The following TMEM247 variants were observed in gnomAD, a reference collection of about 807,000 sequenced individuals.
TMEM247 encodes the protein transmembrane protein ENSP00000343375.
TMEM247 carries 23 observed loss-of-function variants against 20.7 expected under a neutral mutation model. The observed-to-expected ratio is 1.11, with a 90% confidence interval of 0.80 to 1.57. TMEM247 has a LOEUF of 1.57. Among genes scored for constraint, TMEM247 ranks in the 40% most tolerant of loss-of-function variants. The pLI is 0.00. For missense variants in TMEM247, 354 were observed against 283.8 expected (o/e 1.25, Z -1.78); for synonymous variants, 106 against 111.9 (o/e 0.95, Z 0.33).
In TMEM247 at chr2:46,481,229, T is replaced by G. The variant is rs377231178; in HGVS notation, c.477+465T>G. On this transcript the variant is annotated intron_variant, in intron 2 of 2. Coordinates refer to ENST00000434431, the Ensembl canonical transcript of TMEM247. Reference sequence around the variant, plus strand: ...TCCCCACTGCACCCTGGCCAGTGGATTTTGATAGAACCATCACCTCCCCGA... The same window carrying G: ...TCCCCACTGCACCCTGGCCAGTGGAGTTTGATAGAACCATCACCTCCCCGA... Among the ~76,000 whole-genome samples, 12 of 152,206 alleles carry G rather than the reference T, an allele frequency of 7.9e-5. No individual in the cohort carries two copies. The East Asian group carries it at 1.7e-3, about 22-fold the overall frequency.
chr2:46,484,273 G>A (rs1686945748), exon 3 of TMEM247: 1 of 1,551,280 alleles, frequency 6.4e-7, no homozygotes, highest in South Asian at 1.2e-5. Flanking sequence ...ACTTCCTGCT[G>A]CCCCAGAACC....
exon 3 of TMEM247, chr2:46,484,325 A>C (rs374236685): frequency 6.4e-7 from 1 of 1,552,208 alleles, no homozygotes; most frequent in African/African-American, 1.4e-5. Context: ...CATTCACATC[A>C]TCTATGTCAC....
chr2:46,479,615 A>T (rs1686838329), exon 1 of TMEM247: 1 of 1,551,734 alleles, frequency 6.4e-7, no homozygotes, highest in South Asian at 1.2e-5. Flanking sequence ...AGATGATGGA[A>T]GCCCGGGGTG....
At chr2:46,481,100 T>C (rs1686880287) in intron 2 of TMEM247, among the ~76,000 whole-genome samples, 1 of 152,228 alleles carries the variant, frequency 6.6e-6, no homozygotes, top group Non-Finnish European at 1.5e-5. Context: ...GACAGCCTTT[T>C]TGGTAGCTTC....
intron 1 of TMEM247, 106 bp from the exon 2 acceptor site, chr2:46,480,299 A>T: frequency 8.1e-7 from 1 of 1,238,804 alleles, no homozygotes; most frequent in Non-Finnish European, 1.1e-6. Context: ...TACAATTCAA[A>T]CACCCCAGTC....
chr2:46,480,876 AT>A (rs1179463506), intron 2 of TMEM247, 112 bp downstream of exon 2: 2 of 1,363,222 alleles, frequency 1.5e-6, no homozygotes, highest in East Asian at 5.0e-5. Flanking sequence ...CACCCTGCAG[AT>A]CCTGGATCTC....
intron 2 of TMEM247, among the ~76,000 whole-genome samples, chr2:46,483,935 C>T (rs1280567539): frequency 1.3e-5 from 2 of 152,086 alleles, no homozygotes; most frequent in Admixed American, 6.5e-5. Context: ...TATAGGCACA[C>T]GCCACCAGAT....
At chr2:46,484,369 C>G in exon 3 of TMEM247, 3 of 1,552,412 alleles carry the variant, frequency 1.9e-6, no homozygotes, top group East Asian at 2.4e-5. Flanking sequence ...TCGCCAAGCA[C>G]TACCTATTCT....
intron 2 of TMEM247, 141 bp from the exon 3 acceptor site, chr2:46,484,103 G>C: frequency 1.3e-6 from 1 of 752,276 alleles, no homozygotes. Flanking sequence ...CATGATTTTG[G>C]AAATGGGCAC....
chr2:46,480,877 TC>T (rs1437008762), intron 2 of TMEM247, 113 bp downstream of exon 2: 20 of 1,359,612 alleles, frequency 1.5e-5, no homozygotes, highest in Non-Finnish European at 9.7e-7. Context: ...ACCCTGCAGA[TC>T]CTGGATCTCG....
intron 2 of TMEM247, among the ~76,000 whole-genome samples, chr2:46,482,130 C>G (rs186875290): frequency 6.6e-6 from 1 of 152,176 alleles, no homozygotes; most frequent in Non-Finnish European, 1.5e-5. Context: ...GTGCTGGCTT[C>G]TTAAACAATT....
chr2:46,481,627 A>G (rs1420508477), intron 2 of TMEM247, among the ~76,000 whole-genome samples: 1 of 152,224 alleles, frequency 6.6e-6, no homozygotes, highest in Non-Finnish European at 1.5e-5. Context: ...ACACACGCAA[A>G]GCACTTTGCA....
intron 2 of TMEM247, among the ~76,000 whole-genome samples, chr2:46,481,573 G>C (rs1686889931): frequency 6.6e-6 from 1 of 152,188 alleles, no homozygotes. Flanking sequence ...CATCCATGAA[G>C]TAGTACCTAC....
Position 46,480,398 on chromosome 2 carries a change from A to T in TMEM247, c.118-7A>T, listed in dbSNP as rs753138071. The T allele has an allele frequency of 1.3e-6, 2 of 1,534,882 alleles. No homozygotes were observed. The highest frequency in any genetic ancestry group is 2.7e-5 in the African/African-American group (2 of 72,750). ...GGTACCTCCCCTCCCTGCTTCCCCTACGCCAGGAGGCAGAGTCCCAGAAGC... is the reference window on the plus strand; with the variant it reads ...GGTACCTCCCCTCCCTGCTTCCCCTTCGCCAGGAGGCAGAGTCCCAGAAGC... On this transcript the variant is annotated splice_polypyrimidine_tract_variant and splice_region_variant and intron_variant, in intron 1 of 2. Transcript: ENST00000434431.
chr2:46,480,373 G>C (rs776628047), intron 1 of TMEM247, 32 bp from the exon 2 acceptor site: 2 of 1,505,274 alleles, frequency 1.3e-6, no homozygotes, highest in Non-Finnish European at 1.8e-6. Flanking sequence ...GACTCTTCAA[G>C]GTACCTCCCC....
At chr2:46,484,272 T>A in exon 3 of TMEM247, 1 of 1,551,508 alleles carries the variant, frequency 6.4e-7, no homozygotes, top group Non-Finnish European at 8.7e-7. Flanking sequence ...AACTTCCTGC[T>A]GCCCCAGAAC....
chr2:46,480,139 G>GA (rs1439696853), intron 1 of TMEM247, among the ~76,000 whole-genome samples: 1 of 152,124 alleles, frequency 6.6e-6, no homozygotes. Context: ...AAAATCACTA[G>GA]AAAAATGGAC....
At chr2:46,483,434 C>T (rs1686927438) in intron 2 of TMEM247, among the ~76,000 whole-genome samples, 1 of 152,208 alleles carries the variant, frequency 6.6e-6, no homozygotes, top group Admixed American at 6.5e-5. Context: ...CATGGGCTGA[C>T]CCACGTGATA....
intron 2 of TMEM247, 117 bp downstream of exon 2, chr2:46,480,881 G>A: frequency 7.4e-7 from 1 of 1,349,554 alleles, no homozygotes; most frequent in South Asian, 1.5e-5. Context: ...TGCAGATCCT[G>A]GATCTCGGCT....
Sources: gnomAD v4.1 joint callset for allele counts (sites outside exome capture counted in the v4.1 genomes callset) on GRCh38, gnomAD v4.1.1 for gene constraint, MANE v1.5 for transcripts, NCBI Gene and HGNC (gene_info 2026-07-23, HGNC 2026-07-21) for gene names.